Variants in ETV6 observed in about 807,000 individuals in gnomAD.
ETV6 encodes transcription factor ETV6.
A neutral mutation model predicts 51.1 loss-of-function variants in ETV6; 16 were observed. The observed-to-expected ratio is 0.31, with a 90% confidence interval of 0.21 to 0.48. The LOEUF is 0.48. Among genes scored for constraint, ETV6 ranks in the 20% least tolerant of loss-of-function variants. The pLI is 0.99. For missense variants in ETV6, 458 were observed against 594.8 expected, an observed-to-expected ratio of 0.77 and a Z score of 2.39; for synonymous variants, 240 against 224.1, an observed-to-expected ratio of 1.07 and a Z score of -0.64.
At chr12:11,651,795 C>T (rs958384370) in intron 1 of ETV6, among the ~76,000 whole-genome samples, 2 of 152,188 alleles carry the variant, frequency 1.3e-5, no homozygotes, top group Non-Finnish European at 2.9e-5. Flanking sequence ...ATAAACCCGA[C>T]ATCAGGAAAA....
chr12:11,749,326 CACACACACACACACACACACACA>C (rs1865973485), intron 1 of ETV6, among the ~76,000 whole-genome samples: 2 of 106,080 alleles, frequency 1.9e-5, no homozygotes, highest in African/African-American at 5.8e-5. Flanking sequence ...CACACACACA[CACACACACACACACACACACACA>C]CCCCTACTCC....
intron 2 of ETV6, among the ~76,000 whole-genome samples, chr12:11,827,808 G>A (rs952693906): frequency 1.5e-4 from 23 of 152,106 alleles, no homozygotes; most frequent in Admixed American, 1.4e-3. Context: ...AGACTGTGCC[G>A]GGCACCAGAG....
At chr12:11,691,658 G>A (rs1209060489) in intron 1 of ETV6, among the ~76,000 whole-genome samples, 1 of 152,124 alleles carries the variant, frequency 6.6e-6, no homozygotes, top group Non-Finnish European at 1.5e-5. Flanking sequence ...CATGTGTATT[G>A]CTATGCATCA....
intron 2 of ETV6, among the ~76,000 whole-genome samples, chr12:11,812,418 A>G (rs1262238381): frequency 6.6e-6 from 1 of 152,186 alleles, no homozygotes; most frequent in Admixed American, 6.5e-5. Flanking sequence ...CACAAATTAT[A>G]GCAACCAATG....
chr12:11,716,080 G>C lies in ETV6; in HGVS notation c.34-36370G>C, dbSNP rs542827225. Among the ~76,000 whole-genome samples, 5 of 152,072 alleles carry C rather than the reference G, an allele frequency of 3.3e-5. No individual in the cohort carries two copies. The South Asian group carries it at 6.2e-4, about 19-fold the overall frequency. Reference sequence around the variant, plus strand: ...ACCCTTGTGTTTAAGACCATTTGGGGCCGGGCGCGGTGGCTGACGCCTGTA... The same window carrying C: ...ACCCTTGTGTTTAAGACCATTTGGGCCCGGGCGCGGTGGCTGACGCCTGTA... On this transcript the variant is annotated intron_variant, in intron 1 of 7. Coordinates refer to ENST00000396373, the MANE Select transcript of ETV6 (RefSeq NM_001987.5).
intron 5 of ETV6, among the ~76,000 whole-genome samples, chr12:11,871,134 C>T (rs1946874657): frequency 6.6e-6 from 1 of 151,788 alleles, no homozygotes; most frequent in Non-Finnish European, 1.5e-5. Context: ...TGCTGCCATG[C>T]TGATGGCAGT....
intron 1 of ETV6, among the ~76,000 whole-genome samples, chr12:11,660,114 C>T (rs553068910): frequency 6.6e-6 from 1 of 152,318 alleles, no homozygotes; most frequent in South Asian, 2.1e-4. Context: ...GCCAGCTACC[C>T]TGATCTGATC....
chr12:11,727,351 G>A (rs560374667), intron 1 of ETV6, among the ~76,000 whole-genome samples: 1 of 152,384 alleles, frequency 6.6e-6, no homozygotes, highest in African/African-American at 2.4e-5. Flanking sequence ...TTGTTGTGTA[G>A]GCGCTGTGGT....
At chr12:11,792,385 T>C (rs1945612400) in intron 2 of ETV6, among the ~76,000 whole-genome samples, 1 of 152,094 alleles carries the variant, frequency 6.6e-6, no homozygotes. Flanking sequence ...CTGAGACGGA[T>C]TACATTTAAA....
At chr12:11,850,882 G>A (rs764863337) in intron 3 of ETV6, among the ~76,000 whole-genome samples, 8 of 152,148 alleles carry the variant, frequency 5.3e-5, no homozygotes, top group Admixed American at 2.0e-4. Context: ...CCACCCCACC[G>A]GGGGCTTCTC....
rs1188317085 is a variant in ETV6, at chr12:11,891,440, CTATGGAAATA to C, written c.*398_*407del. 1 of 372,952 alleles carries C rather than the reference CTATGGAAATA, an allele frequency of 2.7e-6. No homozygotes were observed. The highest frequency in any genetic ancestry group is 4.9e-5 in the East Asian group (1 of 20,520). The allele number at this position is 372,952 out of a possible 1,614,324, so 23.1% of individuals were successfully genotyped here. ...GGGGAAGACATCTGATGTTGTTTTCCTATGGAAATATATATCTATTATATATATATTTTTT... is the reference window on the plus strand; with the variant it reads ...GGGGAAGACATCTGATGTTGTTTTCCTATATCTATTATATATATATTTTTT... On this transcript the variant is annotated 3_prime_UTR_variant, in exon 8 of 8. Coordinates refer to ENST00000396373, the MANE Select transcript of ETV6 (RefSeq NM_001987.5).
At chr12:11,838,007 A>G (rs1946340396) in intron 2 of ETV6, among the ~76,000 whole-genome samples, 1 of 152,258 alleles carries the variant, frequency 6.6e-6, no homozygotes, top group Non-Finnish European at 1.5e-5. Context: ...TAATGCAAAC[A>G]TATTTTAAAA....
chr12:11,786,594 G>A (rs10491990), intron 2 of ETV6, among the ~76,000 whole-genome samples: 20,001 of 152,192 alleles, frequency 0.13, 1,878 homozygotes, highest in East Asian at 0.4. Context: ...TGTAAGTGAA[G>A]AGGACTGCGT....
chr12:11,679,956 G>C (rs966346250), intron 1 of ETV6, among the ~76,000 whole-genome samples: 2 of 152,200 alleles, frequency 1.3e-5, no homozygotes, highest in African/African-American at 4.8e-5. Flanking sequence ...TCATGGTCTA[G>C]TGAGACTAAC....
chr12:11,751,484 T>G (rs1339325040), intron 1 of ETV6: 1 of 517,146 alleles, frequency 1.9e-6, no homozygotes, highest in African/African-American at 1.9e-5. Context: ...TCAACCTAGT[T>G]GGCATGTTGA....
intron 2 of ETV6, among the ~76,000 whole-genome samples, chr12:11,820,019 T>G (rs973548934): frequency 6.6e-5 from 10 of 152,252 alleles, no homozygotes; most frequent in African/African-American, 2.2e-4. Flanking sequence ...CTAACACTTA[T>G]GAAGTTCGCA....
intron 2 of ETV6, among the ~76,000 whole-genome samples, chr12:11,804,773 G>A (rs1945804383): frequency 6.6e-6 from 1 of 152,088 alleles, no homozygotes; most frequent in Non-Finnish European, 1.5e-5. Context: ...ATTCAAAATG[G>A]CCATTCTTGT....
chr12:11,814,944 G>A (rs1945969625), intron 2 of ETV6, among the ~76,000 whole-genome samples: 3 of 152,184 alleles, frequency 2.0e-5, no homozygotes, highest in Non-Finnish European at 4.4e-5. Context: ...TCTGGGGGCT[G>A]CTTCTGCAGC....
chr12:11,856,338 G>A (rs1946632796), intron 4 of ETV6, among the ~76,000 whole-genome samples: 1 of 152,212 alleles, frequency 6.6e-6, no homozygotes, highest in Non-Finnish European at 1.5e-5. Flanking sequence ...GGGTGTCATT[G>A]CCCTGCAGAC....
Sources: allele counts gnomAD v4.1 joint callset (sites outside exome capture counted in the v4.1 genomes callset), GRCh38; gene constraint gnomAD v4.1.1; transcripts MANE v1.5; gene names NCBI Gene and HGNC (gene_info 2026-07-23, HGNC 2026-07-21).